The following MARCHF1 variants were observed in gnomAD, a reference collection of about 807,000 sequenced individuals.
The protein encoded by MARCHF1 is membrane associated ring-CH-type finger 1.
Under a neutral mutation model 54.2 loss-of-function variants are expected in MARCHF1, and 40 were observed. The observed-to-expected ratio is 0.74, with a 90% CI of 0.57 to 0.96. MARCHF1 has a LOEUF of 0.96. Among genes scored for constraint, MARCHF1 ranks in the 40% least tolerant of loss-of-function variants. The pLI is 0.00. For synonymous variants in MARCHF1, 236 were observed against 236.3 expected (o/e 1.00, Z 0.01); for missense variants, 586 against 656.5 (o/e 0.89, Z 1.17).
intron 8 of MARCHF1, among the ~76,000 whole-genome samples, chr4:163,582,768 CA>C (rs57140017): frequency 0.013 from 1,916 of 150,118 alleles, 40 homozygotes; most frequent in South Asian, 0.041. Context: ...TTAAAAACTA[CA>C]AAAAAAAAAC....
chr4:164,311,208 T>A (rs1046394054), intron 1 of MARCHF1, among the ~76,000 whole-genome samples: 1 of 152,166 alleles, frequency 6.6e-6, no homozygotes, highest in South Asian at 2.1e-4. Context: ...TACTGATCTA[T>A]TGTTAGGATG....
intron 5 of MARCHF1, among the ~76,000 whole-genome samples, chr4:163,635,774 A>T (rs1374961739): frequency 1.3e-5 from 2 of 152,166 alleles, no homozygotes; most frequent in African/African-American, 4.8e-5. Flanking sequence ...TACCAAAGCC[A>T]GGCAGACACA....
chr4:164,178,962 T>C (rs116735308), intron 1 of MARCHF1, among the ~76,000 whole-genome samples: 157 of 152,144 alleles, frequency 1.0e-3, no homozygotes, highest in African/African-American at 3.7e-3. Context: ...AACCCCGAGA[T>C]GAAATGATAC....
chr4:164,147,565 T>C (rs1729787525), intron 1 of MARCHF1, among the ~76,000 whole-genome samples: 2 of 134,908 alleles, frequency 1.5e-5, no homozygotes, highest in South Asian at 2.5e-4. Flanking sequence ...CAGTAAACTA[T>C]CACAAGAACC....
At chr4:163,950,304 G>A (rs2110779233) in intron 3 of MARCHF1, among the ~76,000 whole-genome samples, 1 of 152,310 alleles carries the variant, frequency 6.6e-6, no homozygotes, top group South Asian at 2.1e-4. Flanking sequence ...AGTCCAGAGG[G>A]GGCCAAGGTG....
chr4:164,006,990 GAAAAAAAAAAAAAAAAAAAAAAAAAAA>G (rs57195057), intron 2 of MARCHF1, among the ~76,000 whole-genome samples: 20 of 23,192 alleles, frequency 8.6e-4, no homozygotes, highest in South Asian at 2.1e-3. Context: ...TCTGAAATCT[GAAAAAAAAAAAAAAAAAAAAAAAAAAA>G]AAAAAAAAAA....
At chr4:163,898,684 A>G (rs1750870936) in intron 3 of MARCHF1, among the ~76,000 whole-genome samples, 1 of 152,156 alleles carries the variant, frequency 6.6e-6, no homozygotes, top group South Asian at 2.1e-4. Context: ...CTCACTACTG[A>G]GTATCTACCC....
chr4:163,967,608 T>G (rs1185529999), intron 3 of MARCHF1, among the ~76,000 whole-genome samples: 1 of 152,158 alleles, frequency 6.6e-6, no homozygotes, highest in Non-Finnish European at 1.5e-5. Flanking sequence ...TCGTAGACAG[T>G]TGATGGCTGT....
At chr4:163,539,155 G>A (rs1429188711) in intron 9 of MARCHF1, among the ~76,000 whole-genome samples, 1 of 151,720 alleles carries the variant, frequency 6.6e-6, no homozygotes, top group Non-Finnish European at 1.5e-5. Context: ...TGAGTAGCTG[G>A]GACTACAGGC....
intron 1 of MARCHF1, among the ~76,000 whole-genome samples, chr4:164,302,693 C>T (rs2111399507): frequency 6.6e-6 from 1 of 151,924 alleles, no homozygotes; most frequent in African/African-American, 2.4e-5. Flanking sequence ...ACCTGGCAAA[C>T]ATGGCAAAAC....
chr4:163,638,785 GGATA>G (rs1742445034), intron 5 of MARCHF1, among the ~76,000 whole-genome samples: 1 of 151,972 alleles, frequency 6.6e-6, no homozygotes, highest in African/African-American at 2.4e-5. Flanking sequence ...ATGGATGAAT[GGATA>G]AACAAAATAA....
At chr4:163,664,114 G>C (rs748170181) in intron 5 of MARCHF1, among the ~76,000 whole-genome samples, 36 of 152,050 alleles carry the variant, frequency 2.4e-4, no homozygotes, top group Non-Finnish European at 4.0e-4. Flanking sequence ...TGCTGTAAAA[G>C]CCTGACAAAA....
At chr4:163,832,601 T>TATTATA (rs1211714067) in intron 4 of MARCHF1, among the ~76,000 whole-genome samples, 1 of 150,174 alleles carries the variant, frequency 6.7e-6, no homozygotes, top group African/African-American at 2.5e-5. Context: ...TTATTATTAT[T>TATTATA]ATAATACTTT....
chr4:163,955,484 C>T (rs1752214546), intron 3 of MARCHF1, among the ~76,000 whole-genome samples: 1 of 151,962 alleles, frequency 6.6e-6, no homozygotes, highest in Non-Finnish European at 1.5e-5. Context: ...CCATTGTATT[C>T]TCTCACAACT....
chr4:164,068,232 T>C (rs556467518), intron 2 of MARCHF1, among the ~76,000 whole-genome samples: 4 of 152,306 alleles, frequency 2.6e-5, no homozygotes, highest in African/African-American at 9.6e-5. Context: ...GACAGCGTGC[T>C]GGCAGCCCTC....
At chr4:163,697,719 G>A (rs1171587963) in intron 5 of MARCHF1, among the ~76,000 whole-genome samples, 1 of 152,084 alleles carries the variant, frequency 6.6e-6, no homozygotes. Flanking sequence ...TAAAAGGTAA[G>A]GAAGACACCC....
intron 1 of MARCHF1, among the ~76,000 whole-genome samples, chr4:164,240,514 A>G (rs966473100): frequency 6.6e-6 from 1 of 151,990 alleles, no homozygotes; most frequent in Admixed American, 6.6e-5. Flanking sequence ...CCACCATTCT[A>G]ACTACTCCTT....
chr4:163,646,959 A>G (rs776539638), intron 5 of MARCHF1, among the ~76,000 whole-genome samples: 4 of 152,128 alleles, frequency 2.6e-5, no homozygotes, highest in Non-Finnish European at 4.4e-5. Context: ...TGATGAAAAG[A>G]CAAAGTGGCT....
chr4:164,045,086 C>A (rs1242691981), intron 2 of MARCHF1, among the ~76,000 whole-genome samples: 1 of 151,890 alleles, frequency 6.6e-6, no homozygotes, highest in African/African-American at 2.4e-5. Flanking sequence ...AAAATCAATA[C>A]TATGGCATAA....
Sources: gnomAD v4.1 joint callset for allele counts (sites outside exome capture counted in the v4.1 genomes callset) on GRCh38, gnomAD v4.1.1 for gene constraint, MANE v1.5 for transcripts, NCBI Gene and HGNC (gene_info 2026-07-23, HGNC 2026-07-21) for gene names.